Variants in PARN observed in about 807,000 individuals in gnomAD.
PARN encodes poly(A)-specific ribonuclease PARN.
PARN carries 71 observed loss-of-function variants against 102.8 expected under a neutral mutation model. That is an observed-to-expected ratio of 0.69 (90% CI 0.57 to 0.84). PARN has a LOEUF of 0.84. PARN is among the 40% of genes least tolerant of loss of function. PARN has a pLI of 0.00. For missense variants in PARN, 782 were observed against 760.9 expected (o/e 1.03, Z -0.33); for synonymous variants, 261 against 252.9 (o/e 1.03, Z -0.30).
intron 22 of PARN, among the ~76,000 whole-genome samples, chr16:14,453,946 T>C (rs934616591): frequency 2.6e-5 from 4 of 152,156 alleles, no homozygotes; most frequent in African/African-American, 9.7e-5. Context: ...CCTAGAAGGA[T>C]TTCTGGGTGA....
chr16:14,490,714 CCCAAGCCTGGATGA>C (rs2151610191), intron 21 of PARN, among the ~76,000 whole-genome samples: 1 of 152,276 alleles, frequency 6.6e-6, no homozygotes, highest in African/African-American at 2.4e-5. Context: ...GGATTGTCAC[CCCAAGCCTGGATGA>C]CACTAAAGGT....
intron 6 of PARN, among the ~76,000 whole-genome samples, chr16:14,617,371 G>C (rs903388587): frequency 7.6e-6 from 1 of 131,522 alleles, no homozygotes; most frequent in East Asian, 2.2e-4. Context: ...GCAACAGAGC[G>C]AGACTCTTCT....
intron 21 of PARN, among the ~76,000 whole-genome samples, chr16:14,534,834 T>A (rs987216912): frequency 3.8e-4 from 34 of 89,020 alleles, no homozygotes; most frequent in Middle Eastern, 8.1e-3. Flanking sequence ...CATTTCTAAA[T>A]TTTTTTTTTT....
At chr16:14,558,288 G>C (rs919711126) in intron 18 of PARN, 3 of 151,720 alleles carry the variant, frequency 2.0e-5, no homozygotes, top group African/African-American at 7.3e-5. Flanking sequence ...CAAAAAATTA[G>C]TGAGTTTGAG....
intron 13 of PARN, among the ~76,000 whole-genome samples, chr16:14,588,112 A>G (rs1017245563): frequency 3.9e-5 from 6 of 152,336 alleles, no homozygotes; most frequent in African/African-American, 1.4e-4. Flanking sequence ...TGGGCAAGGT[A>G]GCAGGCAATA....
chr16:14,568,270 T>C (rs1375671973), intron 18 of PARN, among the ~76,000 whole-genome samples: 1 of 149,644 alleles, frequency 6.7e-6, no homozygotes, highest in Admixed American at 6.7e-5. Flanking sequence ...TGCGGTGCAG[T>C]GGCACGATCT....
chr16:14,461,204 G>A (rs1961947218), intron 22 of PARN, among the ~76,000 whole-genome samples: 1 of 152,066 alleles, frequency 6.6e-6, no homozygotes, highest in South Asian at 2.1e-4. Context: ...AAACCATCGT[G>A]GTCTAAAGAA....
intron 5 of PARN, among the ~76,000 whole-genome samples, chr16:14,618,275 C>T (rs1972053208): frequency 6.6e-6 from 1 of 151,872 alleles, no homozygotes; most frequent in South Asian, 2.1e-4. Context: ...ATCACGAGGT[C>T]GGGAGATCAA....
chr16:14,464,080 A>G (rs1431637254), intron 22 of PARN, among the ~76,000 whole-genome samples: 1 of 152,166 alleles, frequency 6.6e-6, no homozygotes, highest in East Asian at 1.9e-4. Flanking sequence ...TAGGTTCAAG[A>G]GATCCACCTG....
At chr16:14,586,427 A>G (rs1969860168) in intron 13 of PARN, 66 bp from the exon 14 acceptor site, 4 of 945,142 alleles carry the variant, frequency 4.2e-6, no homozygotes, top group Non-Finnish European at 6.7e-6. Flanking sequence ...AAAACATGTA[A>G]ACAGCTCAAG....
intron 22 of PARN, among the ~76,000 whole-genome samples, chr16:14,475,452 A>C (rs1033375281): frequency 3.3e-5 from 5 of 152,166 alleles, no homozygotes; most frequent in Non-Finnish European, 2.9e-5. Context: ...CCTCCCTCTC[A>C]AAGCAAACTA....
At chr16:14,524,892 G>T (rs1965916632) in intron 21 of PARN, among the ~76,000 whole-genome samples, 1 of 152,122 alleles carries the variant, frequency 6.6e-6, no homozygotes, top group Non-Finnish European at 1.5e-5. Flanking sequence ...TATTTCCTTT[G>T]TATATCAAGA....
chr16:14,454,875 A>C (rs1004402277), intron 22 of PARN, among the ~76,000 whole-genome samples: 2 of 152,228 alleles, frequency 1.3e-5, no homozygotes, highest in African/African-American at 2.4e-5. Flanking sequence ...CTTATACTGA[A>C]AGCTTCAGGG....
At chr16:14,526,056 G>C (rs1965980943) in intron 21 of PARN, among the ~76,000 whole-genome samples, 1 of 151,790 alleles carries the variant, frequency 6.6e-6, no homozygotes. Flanking sequence ...GACCTTAAGT[G>C]ATTCGCCCAC....
chr16:14,463,729 C>T (rs1962134550), intron 22 of PARN, among the ~76,000 whole-genome samples: 1 of 151,540 alleles, frequency 6.6e-6, no homozygotes, highest in South Asian at 2.1e-4. Flanking sequence ...CAACTTCAAG[C>T]ACCTCAATAT....
At chr16:14,625,319 G>A (rs1395759169) in intron 5 of PARN, among the ~76,000 whole-genome samples, 1 of 152,006 alleles carries the variant, frequency 6.6e-6, no homozygotes. Context: ...TCAACATGGA[G>A]AAGCCTCACC....
At chr16:14,475,095 T>C (rs910469626) in intron 22 of PARN, among the ~76,000 whole-genome samples, 5 of 152,170 alleles carry the variant, frequency 3.3e-5, no homozygotes, top group African/African-American at 7.2e-5. Context: ...TTTAGTCTCA[T>C]AGAAAGGAAA....
chr16:14,613,493 C>T (rs954014108), intron 6 of PARN, among the ~76,000 whole-genome samples: 12 of 152,038 alleles, frequency 7.9e-5, no homozygotes, highest in African/African-American at 2.7e-4. Context: ...CGTGGTGCCA[C>T]GCGCCTATAG....
chr16:14,482,502 C>T (rs1963437218), intron 22 of PARN, 136 bp downstream of exon 22: 1 of 641,818 alleles, frequency 1.6e-6, no homozygotes. Context: ...GTCATAGTCA[C>T]TTCTGATATG....
Sources: gnomAD v4.1 joint callset for allele counts (sites outside exome capture counted in the v4.1 genomes callset) on GRCh38, gnomAD v4.1.1 for gene constraint, MANE v1.5 for transcripts, NCBI Gene and HGNC (gene_info 2026-07-23, HGNC 2026-07-21) for gene names.